The following ANKS1B variants were observed in gnomAD, a reference collection of about 807,000 sequenced individuals.
ANKS1B encodes the protein ankyrin repeat and sterile alpha motif domain-containing protein 1B.
In ANKS1B, 36 loss-of-function variants were observed where a neutral mutation model predicts 148.3. The observed-to-expected ratio is 0.24, with a 90% confidence interval of 0.19 to 0.32. The LOEUF (loss-of-function observed/expected upper bound fraction) is 0.32, where lower values mean the gene tolerates loss of function less well. Ranked by LOEUF, ANKS1B falls within the 10% of genes least tolerant of loss-of-function variation. The probability of loss-of-function intolerance (pLI) is 1.00; values close to 1 mark genes in which losing one functional copy is unlikely to be tolerated. For synonymous variants in ANKS1B, 542 were observed against 560.8 expected (o/e 0.97, Z 0.47); for missense variants, 1,157 against 1,542.6 (o/e 0.75, Z 4.19).
chr12:99,829,642 C>G (rs1325373521), intron 1 of ANKS1B, among the ~76,000 whole-genome samples: 1 of 151,676 alleles, frequency 6.6e-6, no homozygotes, highest in Non-Finnish European at 1.5e-5. Context: ...GAGCGAGACT[C>G]CGTCTCAAAA....
chr12:99,392,191 C>A (rs1053235816), intron 12 of ANKS1B, among the ~76,000 whole-genome samples: 8 of 152,226 alleles, frequency 5.3e-5, no homozygotes, highest in Non-Finnish European at 2.9e-5. Context: ...CCTCCCTCAG[C>A]TGCCTGTGTC....
At chr12:99,012,861 T>C (rs1202052311) in intron 17 of ANKS1B, among the ~76,000 whole-genome samples, 2 of 152,218 alleles carry the variant, frequency 1.3e-5, no homozygotes, top group African/African-American at 4.8e-5. Flanking sequence ...GTATCAATTC[T>C]AGGATTATGA....
At chr12:99,904,686 T>C (rs560153076) in intron 1 of ANKS1B, among the ~76,000 whole-genome samples, 1 of 152,316 alleles carries the variant, frequency 6.6e-6, no homozygotes, top group East Asian at 1.9e-4. Context: ...ATGGAGCATC[T>C]GCAAACAAGA....
intron 17 of ANKS1B, among the ~76,000 whole-genome samples, chr12:99,043,845 T>C (rs2099960612): frequency 6.6e-6 from 1 of 152,360 alleles, no homozygotes; most frequent in Admixed American, 6.5e-5. Flanking sequence ...TTAACCATTA[T>C]AATTTACTTT....
intron 8 of ANKS1B, among the ~76,000 whole-genome samples, chr12:99,664,003 T>C (rs769216903): frequency 6.6e-6 from 1 of 152,174 alleles, no homozygotes; most frequent in Non-Finnish European, 1.5e-5. Flanking sequence ...CTCAAAACTT[T>C]TGTTCATTTA....
chr12:99,688,125 G>C (rs896320614), intron 8 of ANKS1B, among the ~76,000 whole-genome samples: 1 of 151,960 alleles, frequency 6.6e-6, no homozygotes, highest in Non-Finnish European at 1.5e-5. Context: ...TTCACTGTTG[G>C]GAATATAAAA....
chr12:99,355,933 G>A (rs2152408337), intron 12 of ANKS1B, among the ~76,000 whole-genome samples: 1 of 152,010 alleles, frequency 6.6e-6, no homozygotes, highest in Non-Finnish European at 1.5e-5. Context: ...AGAAAAGGAT[G>A]GAAATTATAA....
At chr12:98,786,405 T>A (rs1258499695) in intron 22 of ANKS1B, among the ~76,000 whole-genome samples, 2 of 152,166 alleles carry the variant, frequency 1.3e-5, no homozygotes, top group African/African-American at 4.8e-5. Context: ...TCTTAGTAAG[T>A]CACTGAATGC....
chr12:99,017,525 A>G (rs539745303), intron 17 of ANKS1B, among the ~76,000 whole-genome samples: 2 of 152,072 alleles, frequency 1.3e-5, no homozygotes, highest in Admixed American at 6.6e-5. Context: ...ATCCTACCTG[A>G]ACTTGTGATT....
At chr12:99,384,638 C>A (rs2093783848) in intron 12 of ANKS1B, among the ~76,000 whole-genome samples, 1 of 151,232 alleles carries the variant, frequency 6.6e-6, no homozygotes, top group Admixed American at 6.6e-5. Context: ...TCCTCTCCCT[C>A]CCCTCCCCTC....
intron 14 of ANKS1B, among the ~76,000 whole-genome samples, chr12:99,162,777 A>G (rs1462605313): frequency 6.6e-6 from 1 of 152,152 alleles, no homozygotes; most frequent in Non-Finnish European, 1.5e-5. Context: ...TAAAAATTCT[A>G]CTGGCCGGGC....
chr12:99,907,829 A>AC (rs1242892043), intron 1 of ANKS1B, among the ~76,000 whole-genome samples: 2 of 151,120 alleles, frequency 1.3e-5, no homozygotes, highest in African/African-American at 4.8e-5. Context: ...AAAAAAAAAA[A>AC]AAAAAAAAAC....
chr12:99,380,558 A>G (rs934962607), intron 12 of ANKS1B, among the ~76,000 whole-genome samples: 1 of 152,236 alleles, frequency 6.6e-6, no homozygotes, highest in Non-Finnish European at 1.5e-5. Flanking sequence ...ATGGGAAACC[A>G]TAATTGTAAT....
chr12:99,523,543 G>A (rs1353583443), intron 9 of ANKS1B, among the ~76,000 whole-genome samples: 1 of 149,580 alleles, frequency 6.7e-6, no homozygotes, highest in Non-Finnish European at 1.5e-5. Context: ...ATCTATACAA[G>A]GCATCTTCTT....
chr12:98,891,211 C>T (rs201416), intron 17 of ANKS1B, among the ~76,000 whole-genome samples: 69,891 of 152,002 alleles, frequency 0.46, 16,331 homozygotes, highest in African/African-American at 0.53. Context: ...AAGTTTTGTT[C>T]TGATATTCTC....
At chr12:99,037,029 G>A (rs1371498292) in intron 17 of ANKS1B, among the ~76,000 whole-genome samples, 1 of 152,078 alleles carries the variant, frequency 6.6e-6, no homozygotes, top group Non-Finnish European at 1.5e-5. Context: ...GGTATTTCTA[G>A]GTTCCATGAA....
intron 9 of ANKS1B, among the ~76,000 whole-genome samples, chr12:99,609,359 T>A (rs2097879864): frequency 6.6e-6 from 1 of 151,866 alleles, no homozygotes; most frequent in Admixed American, 6.6e-5. Context: ...CCAAAACCAG[T>A]AAGTCTTTTA....
At chr12:99,526,315 T>G (rs1475660770) in intron 9 of ANKS1B, among the ~76,000 whole-genome samples, 2 of 152,212 alleles carry the variant, frequency 1.3e-5, no homozygotes, top group Non-Finnish European at 2.9e-5. Flanking sequence ...TTAGAACTTT[T>G]GCCATGTTAA....
chr12:99,009,854 AC>A (rs1219861096), intron 17 of ANKS1B, among the ~76,000 whole-genome samples: 1 of 150,898 alleles, frequency 6.6e-6, no homozygotes, highest in Non-Finnish European at 1.5e-5. Flanking sequence ...AAAAAAAAAA[AC>A]AAACAAAAAA....
Sources: allele counts gnomAD v4.1 joint callset (sites outside exome capture counted in the v4.1 genomes callset), GRCh38; gene constraint gnomAD v4.1.1; transcripts MANE v1.5; gene names NCBI Gene and HGNC (gene_info 2026-07-23, HGNC 2026-07-21).